Variants in CTNNA2 observed in about 807,000 individuals in gnomAD.
CTNNA2 encodes the protein catenin alpha-2.
A neutral mutation model predicts 101.0 loss-of-function variants in CTNNA2; 42 were observed. The observed-to-expected ratio is 0.42, with a 90% CI of 0.32 to 0.54. The LOEUF is 0.54. Among genes scored for constraint, CTNNA2 ranks in the 20% least tolerant of loss-of-function variants. The pLI is 0.14. For synonymous variants in CTNNA2, 450 were observed against 456.4 expected, an observed-to-expected ratio of 0.99 and a Z score of 0.18; for missense variants, 871 against 1,223.1, an observed-to-expected ratio of 0.71 and a Z score of 4.29.
At chr2:79,891,176 C>T (rs1469158762) in intron 6 of CTNNA2, among the ~76,000 whole-genome samples, 1 of 151,914 alleles carries the variant, frequency 6.6e-6, no homozygotes, top group African/African-American at 2.4e-5. Flanking sequence ...CTTGAGGGCC[C>T]AAATGAATTT....
intron 2 of CTNNA2, among the ~76,000 whole-genome samples, chr2:79,669,639 A>G (rs1329670239): frequency 6.6e-6 from 1 of 152,138 alleles, no homozygotes; most frequent in African/African-American, 2.4e-5. Flanking sequence ...AGTCATTTGG[A>G]TGTCTCTGCA....
chr2:80,049,435 A>C (rs934935800), intron 7 of CTNNA2, among the ~76,000 whole-genome samples: 1 of 152,216 alleles, frequency 6.6e-6, no homozygotes, highest in Admixed American at 6.5e-5. Context: ...CAACAAGTAA[A>C]AATTATCATA....
chr2:79,437,804 C>G (rs1235434947), intron 4 of CTNNA2, among the ~76,000 whole-genome samples: 1 of 152,162 alleles, frequency 6.6e-6, no homozygotes, highest in Non-Finnish European at 1.5e-5. Flanking sequence ...CTCACATGAC[C>G]CCTAAGTGGT....
rs75326190 is a variant in CTNNA2, at chr2:79,750,558, T to G, written c.298+5976T>G. Among the ~76,000 whole-genome samples, 1,169 of 152,360 alleles carry G rather than the reference T, an allele frequency of 7.7e-3. 29 individuals are homozygous for G. The highest frequency in any genetic ancestry group is 0.07 in the South Asian group (337 of 4,830). On this transcript the variant is annotated intron_variant, in intron 3 of 18. Coordinates refer to ENST00000402739, the MANE Select transcript of CTNNA2 (RefSeq NM_001282597.3). ...TATACAAGGTTTATGAGCTTATTGTTTACTTAGAAGTAGGTAGGTAAGGGC... is the reference window on the plus strand; with the variant it reads ...TATACAAGGTTTATGAGCTTATTGTGTACTTAGAAGTAGGTAGGTAAGGGC...
At chr2:79,959,451 T>A (rs936935155) in intron 7 of CTNNA2, among the ~76,000 whole-genome samples, 1 of 152,196 alleles carries the variant, frequency 6.6e-6, no homozygotes. Context: ...CAAGAAACAT[T>A]GCCAGAATTA....
intron 12 of CTNNA2, among the ~76,000 whole-genome samples, chr2:80,557,998 T>C (rs934344723): frequency 6.6e-5 from 10 of 152,256 alleles, no homozygotes; most frequent in East Asian, 3.9e-4. Context: ...ACCTTTCTTA[T>C]TTTGATGCCC....
At chr2:80,519,380 C>T (rs750493837) in intron 9 of CTNNA2, among the ~76,000 whole-genome samples, 1 of 152,030 alleles carries the variant, frequency 6.6e-6, no homozygotes, top group African/African-American at 2.4e-5. Context: ...ACTTAGGGTG[C>T]CTGGTTTTGA....
chr2:80,172,813 A>C (rs944901936), intron 7 of CTNNA2, among the ~76,000 whole-genome samples: 7 of 152,148 alleles, frequency 4.6e-5, no homozygotes, highest in African/African-American at 1.4e-4. Context: ...CTCTGCCTTC[A>C]AGTTCACATG....
At chr2:80,391,121 G>A (rs901503757) in intron 7 of CTNNA2, among the ~76,000 whole-genome samples, 2 of 142,344 alleles carry the variant, frequency 1.4e-5, no homozygotes, top group Admixed American at 7.2e-5. Flanking sequence ...GACAGAGCAC[G>A]ACTGTCTCAG....
intron 1 of CTNNA2, among the ~76,000 whole-genome samples, chr2:79,643,904 G>T (rs561306447): frequency 1.3e-5 from 2 of 152,164 alleles, no homozygotes; most frequent in East Asian, 3.9e-4. Context: ...GGCCCCTCTA[G>T]CAACTAGGTT....
chr2:79,933,897 T>G (rs761283331), intron 7 of CTNNA2, among the ~76,000 whole-genome samples: 4 of 152,196 alleles, frequency 2.6e-5, no homozygotes, highest in Non-Finnish European at 5.9e-5. Context: ...GACAGCTTGA[T>G]CACATCTCCA....
intron 3 of CTNNA2, among the ~76,000 whole-genome samples, chr2:79,369,412 C>A (rs928911588): frequency 6.6e-6 from 1 of 152,054 alleles, no homozygotes; most frequent in Non-Finnish European, 1.5e-5. Flanking sequence ...TGTGACTCGC[C>A]GGGAGATTGT....
chr2:80,481,567 A>G (rs1298963800), intron 9 of CTNNA2, among the ~76,000 whole-genome samples: 1 of 152,278 alleles, frequency 6.6e-6, no homozygotes, highest in East Asian at 1.9e-4. Flanking sequence ...TGGTAAACAG[A>G]TTGGTCTAAC....
intron 7 of CTNNA2, among the ~76,000 whole-genome samples, chr2:80,036,819 GTGTT>G (rs1319069050): frequency 2.0e-4 from 24 of 119,896 alleles, no homozygotes; most frequent in African/African-American, 7.5e-4. Context: ...TTGTGTGTGT[GTGTT>G]TGTGTGTGTG....
intron 4 of CTNNA2, among the ~76,000 whole-genome samples, chr2:79,390,887 G>A (rs1309959876): frequency 2.0e-5 from 3 of 152,054 alleles, no homozygotes; most frequent in Admixed American, 6.6e-5. Flanking sequence ...TCTGCTCAAC[G>A]AATAAATGAA....
At chr2:80,606,369 C>CAA (rs1385533058) in intron 16 of CTNNA2, among the ~76,000 whole-genome samples, 1 of 88,380 alleles carries the variant, frequency 1.1e-5, no homozygotes, top group African/African-American at 4.1e-5. Context: ...ACACATCAAA[C>CAA]ACACACACAC....
At position 80,526,539 on chromosome 2, in the gene CTNNA2, GC is replaced by G. The variant is rs557338092; in HGVS notation, c.1291-18441del. On this transcript the variant is annotated intron_variant, in intron 9 of 18. Transcript: ENST00000402739. ...GTAGAGATGGGGTTTCACCATGTTGGCCAGGCTGGTCTCAAACTCCTGACCT... is the reference window on the plus strand; with the variant it reads ...GTAGAGATGGGGTTTCACCATGTTGGCAGGCTGGTCTCAAACTCCTGACCT... Among the ~76,000 whole-genome samples, 196 of 152,012 alleles carry G rather than the reference GC, an allele frequency of 1.3e-3. 1 individual carries two copies. The highest frequency in any genetic ancestry group is 4.6e-3 in the African/African-American group (191 of 41,454).
chr2:79,810,427 C>T (rs1206240830), intron 3 of CTNNA2, among the ~76,000 whole-genome samples: 1 of 152,008 alleles, frequency 6.6e-6, no homozygotes, highest in East Asian at 1.9e-4. Context: ...CCCCCTGGGT[C>T]CCTCCCACAA....
At chr2:79,214,662 A>G (rs1674223183) in intron 2 of CTNNA2, among the ~76,000 whole-genome samples, 1 of 151,900 alleles carries the variant, frequency 6.6e-6, no homozygotes, top group Admixed American at 6.6e-5. Flanking sequence ...GCTTGTGGGT[A>G]AGGTGGGGGG....
Sources: gnomAD v4.1 joint callset for allele counts (sites outside exome capture counted in the v4.1 genomes callset) on GRCh38, gnomAD v4.1.1 for gene constraint, MANE v1.5 for transcripts, NCBI Gene and HGNC (gene_info 2026-07-23, HGNC 2026-07-21) for gene names.